Variants in TMEM181 observed in about 807,000 individuals in gnomAD.
TMEM181 encodes the protein transmembrane protein 181, also known as G protein-coupled receptor 178.
TMEM181 carries 39 observed loss-of-function variants against 71.9 expected under a neutral mutation model. That is an observed-to-expected ratio of 0.54 (90% CI 0.42 to 0.71). The LOEUF (loss-of-function observed/expected upper bound fraction) is 0.71, where lower values mean the gene tolerates loss of function less well. Ranked by LOEUF, TMEM181 falls within the 30% of genes least tolerant of loss-of-function variation. The probability of loss-of-function intolerance (pLI) is 0.00; values close to 1 mark genes in which losing one functional copy is unlikely to be tolerated. For synonymous variants in TMEM181, 245 were observed against 228.8 expected (o/e 1.07, Z -0.64); for missense variants, 595 against 583.0 (o/e 1.02, Z -0.21).
At position 158,560,126 on chromosome 6, in the gene TMEM181, C is replaced by CGCTCCG. The variant is rs925283162; in HGVS notation, c.-89_-84dup. ...CGGCCGGCCGCTGCTCAGCCGCTGT[C>CGCTCCG]GCTCCGGCTCCGGCTGCGGCTGCCG... On this transcript the variant is annotated 5_prime_UTR_variant, in exon 1 of 17. Transcript: ENST00000684151. The CGCTCCG allele has an allele frequency of 2.0e-5, 20 of 984,726 alleles. No homozygotes were observed. The highest frequency in any genetic ancestry group is 1.0e-3 in the Middle Eastern group (2 of 1,934). 61.0% of individuals were successfully genotyped at this position (984,726 alleles called of 1,614,324 possible).
At chr6:158,629,310 A>C (rs538296496) in intron 14 of TMEM181, among the ~76,000 whole-genome samples, 2 of 152,320 alleles carry the variant, frequency 1.3e-5, no homozygotes, top group South Asian at 4.1e-4. Flanking sequence ...TAATCCAGAA[A>C]TGTTCAGAGC....
intron 10 of TMEM181, among the ~76,000 whole-genome samples, chr6:158,609,319 CT>C (rs965397972): frequency 8.1e-5 from 12 of 148,090 alleles, no homozygotes; most frequent in East Asian, 2.0e-4. Flanking sequence ...CTATGTTTTT[CT>C]TTTTTTTTTA....
At chr6:158,573,166 G>C (rs574129383) in intron 1 of TMEM181, among the ~76,000 whole-genome samples, 1 of 152,178 alleles carries the variant, frequency 6.6e-6, no homozygotes, top group South Asian at 2.1e-4. Context: ...GGTGTGCTGC[G>C]TGCAGACCGC....
At chr6:158,574,471 G>A (rs1424530916) in intron 2 of TMEM181, among the ~76,000 whole-genome samples, 3 of 152,074 alleles carry the variant, frequency 2.0e-5, no homozygotes. Context: ...TTTAAGATTG[G>A]TAGGGGAGGC....
intron 1 of TMEM181, among the ~76,000 whole-genome samples, chr6:158,545,096 C>T (rs1312720196): frequency 1.3e-5 from 2 of 152,244 alleles, no homozygotes; most frequent in African/African-American, 4.8e-5. Context: ...TCTCCAGGCC[C>T]CGTTCCCCTG....
At chr6:158,575,406 G>A (rs1783101121) in intron 2 of TMEM181, among the ~76,000 whole-genome samples, 1 of 151,610 alleles carries the variant, frequency 6.6e-6, no homozygotes, top group African/African-American at 2.4e-5. Context: ...TTGGCTCACT[G>A]CAACCTCTTC....
chr6:158,623,320 T>C (rs541082314), intron 10 of TMEM181, among the ~76,000 whole-genome samples: 1 of 152,330 alleles, frequency 6.6e-6, no homozygotes, highest in East Asian at 1.9e-4. Flanking sequence ...ACTGCAACTT[T>C]CCAATACTGA....
intron 10 of TMEM181, among the ~76,000 whole-genome samples, chr6:158,614,296 T>A (rs1005017931): frequency 2.0e-5 from 3 of 152,220 alleles, no homozygotes; most frequent in Non-Finnish European, 2.9e-5. Flanking sequence ...AATAGAACTT[T>A]AGATTACCAT....
intron 10 of TMEM181, among the ~76,000 whole-genome samples, chr6:158,622,221 A>C (rs1379645218): frequency 6.6e-6 from 1 of 152,250 alleles, no homozygotes; most frequent in Non-Finnish European, 1.5e-5. Context: ...ATAACCAATA[A>C]AATAGAAAAA....
At chr6:158,615,543 T>A (rs995419071) in intron 10 of TMEM181, among the ~76,000 whole-genome samples, 5 of 152,172 alleles carry the variant, frequency 3.3e-5, no homozygotes, top group Admixed American at 2.6e-4. Context: ...GGTGTTTTAG[T>A]CATGAAGTCC....
At position 158,633,828 on chromosome 6, in the gene TMEM181, AAAT is replaced by A. The variant is rs371183793; in HGVS notation, c.*1941_*1943del. 2.5e-3 allele frequency: 381 copies of A among 152,274 alleles called. 1 individual carries two copies. Among genetic ancestry groups the A allele is most frequent in the African/African-American group, 8.8e-3 (365 of 41,552 alleles). 9.4% of individuals were successfully genotyped at this position (152,274 alleles called of 1,614,324 possible). On this transcript the variant is annotated 3_prime_UTR_variant, in exon 17 of 17. Coordinates refer to ENST00000684151, the MANE Select transcript of TMEM181 (RefSeq NM_001376852.1). ...TTTTTTTTATTCTGTGTATTGAAAAAAATTTTCTGTTACCAAATTTTACAACTT... is the reference window on the plus strand; with the variant it reads ...TTTTTTTTATTCTGTGTATTGAAAAATTTCTGTTACCAAATTTTACAACTT...
At position 158,608,346 on chromosome 6, in the gene TMEM181, C is replaced by T. The variant is rs1785080575; in HGVS notation, c.687C>T (p.Pro229=). 2 of 1,614,116 alleles carry T rather than the reference C, an allele frequency of 1.2e-6. No homozygotes were observed. The highest frequency in any genetic ancestry group is 4.5e-5 in the East Asian group (2 of 44,896). Residue 229 remains proline, a synonymous_variant, in exon 9 of 17, where the codon CCC becomes CCT. Transcript: ENST00000684151. ...LLLLYNDPFF[P]LSFLVNSWLP... ...TTTGTGTTCCAGATCCGTTCTTCCC[C>T]CTCTCCTTCCTGGTCAACAGCTGGC...
At chr6:158,622,073 G>A (rs528851763) in intron 10 of TMEM181, among the ~76,000 whole-genome samples, 3 of 152,204 alleles carry the variant, frequency 2.0e-5, no homozygotes, top group African/African-American at 4.8e-5. Context: ...TGCCTGCCCC[G>A]TTGGGCCGCC....
intron 1 of TMEM181, among the ~76,000 whole-genome samples, chr6:158,564,383 C>T (rs1255491385): frequency 2.6e-5 from 4 of 152,190 alleles, no homozygotes; most frequent in African/African-American, 9.7e-5. Flanking sequence ...GTTTTCCCAC[C>T]TGTGAAATGG....
chr6:158,561,847 A>G (rs1419258964), intron 1 of TMEM181, among the ~76,000 whole-genome samples: 1 of 152,150 alleles, frequency 6.6e-6, no homozygotes, highest in Non-Finnish European at 1.5e-5. Context: ...TCAGCCCACC[A>G]CCATCGGCCA....
rs1785106897 is a variant in TMEM181, at chr6:158,608,641, T to C, written c.805-18T>C. On this transcript the variant is annotated intron_variant, in intron 9 of 16. Transcript: ENST00000684151. ...TTTGGTTTTCTTTATTTCTTACTTC[T>C]TATTTTTTTCTTTTTAGGGAGAAAG... is the stretch of plus-strand genomic sequence containing the variant. The C allele has an allele frequency of 1.3e-6, 2 of 1,598,504 alleles. No homozygotes were observed. Among genetic ancestry groups the C allele is most frequent in the Middle Eastern group, 1.7e-4 (1 of 5,970 alleles).
chr6:158,556,154 T>C (rs559832187), upstream of TMEM181, among the ~76,000 whole-genome samples: 2 of 152,316 alleles, frequency 1.3e-5, no homozygotes, highest in South Asian at 4.2e-4. Context: ...CCAGTAGGGA[T>C]GTAAGGCAGC....
chr6:158,582,320 A>G (rs1783527404), intron 3 of TMEM181, among the ~76,000 whole-genome samples: 1 of 152,188 alleles, frequency 6.6e-6, no homozygotes. Flanking sequence ...ACTTGCTTCC[A>G]AGAGACCATC....
At chr6:158,604,338 G>GCA (rs1491008018) in intron 6 of TMEM181, among the ~76,000 whole-genome samples, 6 of 48,486 alleles carry the variant, frequency 1.2e-4, no homozygotes, top group African/African-American at 4.0e-4. Flanking sequence ...GTGCATGCGT[G>GCA]TGTGTGTGTG....
Sources: gnomAD v4.1 joint callset for allele counts (sites outside exome capture counted in the v4.1 genomes callset) on GRCh38, gnomAD v4.1.1 for gene constraint, MANE v1.5 for transcripts, NCBI Gene and HGNC (gene_info 2026-07-23, HGNC 2026-07-21) for gene names.